ACSM5: variants seen among roughly 807,000 people sequenced by gnomAD.
ACSM5 encodes the protein acyl-CoA synthetase medium chain family member 5.
A neutral mutation model predicts 71.6 loss-of-function variants in ACSM5; 56 were observed. The ratio of observed to expected loss-of-function variants is 0.78; its 90% CI spans 0.63 to 0.98. ACSM5 has a LOEUF of 0.98. Among genes scored for constraint, ACSM5 ranks in the 50% least tolerant of loss-of-function variants. ACSM5 has a pLI of 0.00. For missense variants in ACSM5, 723 were observed against 726.0 expected, an observed-to-expected ratio of 1.00 and a Z score of 0.05; for synonymous variants, 285 against 281.5, an observed-to-expected ratio of 1.01 and a Z score of -0.12.
chr16:20,440,582 C>G lies in ACSM5; in HGVS notation c.*155C>G. The G allele has an allele frequency of 1.5e-6, 1 of 651,930 alleles. No homozygotes were observed. The highest frequency in any genetic ancestry group is 2.7e-6 in the Non-Finnish European group (1 of 365,942). The allele number at this position is 651,930 out of a possible 1,614,324, so 40.4% of individuals were successfully genotyped here. On this transcript the variant is annotated 3_prime_UTR_variant, in exon 14 of 14. Coordinates refer to ENST00000331849, the MANE Select transcript of ACSM5 (RefSeq NM_017888.3). ...GCATCCCCAGGATCACTGGGCAATG[C>G]TGGAAAGAGCAAAAGAATATCATTG...
In ACSM5 at chr16:20,435,234, T is replaced by C. The variant is rs372098663; in HGVS notation, c.1309-1818T>C. ...TTTTAGTAGAGATGGGGTTTCTCCA[T>C]GTTGGCCAGGCTGGTCTTGAACTTC... is the stretch of plus-strand genomic sequence containing the variant. On this transcript the variant is annotated intron_variant, in intron 10 of 13. Transcript: ENST00000331849. 1.6e-4 allele frequency among the ~76,000 whole-genome samples: 25 copies of C among 152,326 alleles called. No individual in the cohort carries two copies. The East Asian group carries it at 4.6e-3, about 28-fold the overall frequency.
chr16:20,424,648 C>T (rs1412931351), intron 6 of ACSM5, among the ~76,000 whole-genome samples: 1 of 152,164 alleles, frequency 6.6e-6, no homozygotes. Context: ...ATAGGCTGTG[C>T]CATCAGTCAA....
At chr16:20,427,112 C>A (rs1182402618) in intron 6 of ACSM5, among the ~76,000 whole-genome samples, 3 of 151,832 alleles carry the variant, frequency 2.0e-5, no homozygotes, top group African/African-American at 7.2e-5. Context: ...ACCAGCCTGG[C>A]CAGGATGGTG....
chr16:20,420,618 A>C (rs191358775), intron 4 of ACSM5, among the ~76,000 whole-genome samples: 6 of 152,328 alleles, frequency 3.9e-5, no homozygotes, highest in Admixed American at 3.9e-4. Context: ...AAACAAAAAA[A>C]AATCGGCTCA....
intron 2 of ACSM5, 149 bp downstream of exon 2, chr16:20,411,837 G>C (rs1403607550): frequency 1.5e-5 from 12 of 784,974 alleles, no homozygotes; most frequent in South Asian, 5.4e-5. Flanking sequence ...TGGCATTTGA[G>C]ACTTAGGAAA....
Position 20,429,760 on chromosome 16 carries a change from A to C in ACSM5, c.1084A>C (p.Thr362Pro), listed in dbSNP as rs780350157. The change falls in exon 8 of 14, where the codon ACT (threonine) becomes CCT (proline). Residue 362 changes from threonine to proline, a missense_variant. Physicochemically the swap from Thr to Pro is conservative, Grantham distance 38. Coordinates refer to ENST00000331849, the MANE Select transcript of ACSM5 (RefSeq NM_017888.3). ...CGTGAGGGAGAAGTGGAAACACCAG[A>C]CTGGTGTGGAGCTGTACGAAGGCTA... ...PDVREKWKHQ[T>P]GVELYEGYGQ... The C allele has an allele frequency of 3.1e-6, 5 of 1,610,734 alleles. No individual in the cohort carries two copies. The Admixed American group carries it at 8.4e-5, about 27-fold the overall frequency.
Position 20,421,289 on chromosome 16 carries a change from A to G in ACSM5, c.655A>G (p.Thr219Ala). 1 of 1,606,480 alleles carries G rather than the reference A, an allele frequency of 6.2e-7. No individual in the cohort carries two copies. The highest frequency in any genetic ancestry group is 1.7e-5 in the Admixed American group (1 of 59,240). Residue 219 changes from threonine to alanine, a missense_variant, in exon 5 of 14, where the codon ACA (threonine) becomes GCA (alanine). Coordinates refer to ENST00000331849, the MANE Select transcript of ACSM5 (RefSeq NM_017888.3). ...TTCTACAGAGCACAACTGCATGAGG[A>G]CAAAGAGTCGAGACCCGCTGGCCAT... ...EASTEHNCMR[T>A]KSRDPLAIYF...
At chr16:20,435,804 T>C (rs1205980660) in intron 10 of ACSM5, among the ~76,000 whole-genome samples, 1 of 152,206 alleles carries the variant, frequency 6.6e-6, no homozygotes, top group Non-Finnish European at 1.5e-5. Flanking sequence ...TATTGCTGAG[T>C]AGTAGCTTTT....
At chr16:20,434,509 T>A (rs980887472) in intron 10 of ACSM5, among the ~76,000 whole-genome samples, 4 of 152,006 alleles carry the variant, frequency 2.6e-5, no homozygotes, top group African/African-American at 7.3e-5. Context: ...GCCTGACCAA[T>A]ATGGTGAAAC....
intron 6 of ACSM5, among the ~76,000 whole-genome samples, chr16:20,427,511 G>C (rs1329389757): frequency 6.6e-6 from 1 of 152,230 alleles, no homozygotes; most frequent in Admixed American, 6.5e-5. Flanking sequence ...AGAAGCCATA[G>C]TCTTTGTATA....
intron 10 of ACSM5, among the ~76,000 whole-genome samples, chr16:20,436,157 C>CCCTT (rs1293760655): frequency 7.6e-6 from 1 of 132,316 alleles, no homozygotes; most frequent in African/African-American, 2.9e-5. Flanking sequence ...TTCCCTCCCT[C>CCCTT]CCTTCCTCCT....
intron 10 of ACSM5, among the ~76,000 whole-genome samples, chr16:20,431,563 T>G (rs1424675236): frequency 6.6e-6 from 1 of 151,960 alleles, no homozygotes; most frequent in Admixed American, 6.6e-5. Flanking sequence ...GATTTAAATG[T>G]GGGTGTGTCT....
chr16:20,423,915 G>C lies in ACSM5; in HGVS notation c.768-1G>C, dbSNP rs768275509. Reference sequence around the variant, plus strand: ...TACTGACGTTCTCTAATTTTTGGCAGACGGTGGGTGGCCTTGACCGAATCT... The same window carrying C: ...TACTGACGTTCTCTAATTTTTGGCACACGGTGGGTGGCCTTGACCGAATCT... On this transcript the variant is annotated splice_acceptor_variant, in intron 5 of 13. Transcript: ENST00000331849. LOFTEE classifies it high-confidence loss of function. 13 of 1,613,716 alleles carry C rather than the reference G, an allele frequency of 8.1e-6. No homozygotes were observed. Among genetic ancestry groups the C allele is most frequent in the Non-Finnish European group, 1.1e-5 (13 of 1,179,900 alleles).
intron 2 of ACSM5, among the ~76,000 whole-genome samples, chr16:20,413,858 G>A (rs1966851868): frequency 6.6e-6 from 1 of 152,048 alleles, no homozygotes; most frequent in Admixed American, 6.6e-5. Flanking sequence ...CAAAGACTGG[G>A]AGATTTATTG....
At chr16:20,434,952 T>C (rs1331578648) in intron 10 of ACSM5, among the ~76,000 whole-genome samples, 2 of 152,242 alleles carry the variant, frequency 1.3e-5, no homozygotes, top group East Asian at 3.8e-4. Flanking sequence ...CCTTGGAAAA[T>C]GTTTGCTAGC....
chr16:20,430,804 AAAAG>A (rs1418029664), intron 8 of ACSM5, among the ~76,000 whole-genome samples, 185 bp from the exon 9 acceptor site: 1 of 142,990 alleles, frequency 7.0e-6, no homozygotes, highest in African/African-American at 2.5e-5. Context: ...CAAGGAAGAA[AAAAG>A]AAAAGAAAGA....
chr16:20,416,285 G>GAAA (rs564038496), intron 2 of ACSM5, among the ~76,000 whole-genome samples: 13 of 114,908 alleles, frequency 1.1e-4, no homozygotes, highest in African/African-American at 2.9e-4. Flanking sequence ...AAACAGCCTT[G>GAAA]AAAAAAAAAA....
rs1484421876 is a variant in ACSM5, at chr16:20,423,983, G to A, written c.835G>A (p.Ala279Thr). Residue 279 changes from alanine to threonine, a missense_variant, in exon 6 of 14, where the codon GCC becomes ACC. By Grantham distance (58) the Ala-to-Thr change is moderately conservative. Transcript: ENST00000331849. Reference protein sequence around the residue: ...NTTDTGWVKAAWTLFSAWPNG... With the variant: ...NTTDTGWVKATWTLFSAWPNG... ...GACTGACACTGGCTGGGTGAAGGCAGCCTGGACTCTCTTCTCTGCCTGGCC... is the reference window on the plus strand; with the variant it reads ...GACTGACACTGGCTGGGTGAAGGCAACCTGGACTCTCTTCTCTGCCTGGCC... The A allele has an allele frequency of 6.2e-7, 1 of 1,614,070 alleles. No homozygotes were observed. The highest frequency in any genetic ancestry group is 8.5e-7 in the Non-Finnish European group (1 of 1,180,028).
chr16:20,434,782 C>T (rs139920293), intron 10 of ACSM5, among the ~76,000 whole-genome samples: 22 of 152,336 alleles, frequency 1.4e-4, no homozygotes, highest in Admixed American at 3.9e-4. Flanking sequence ...TACTCTGTCT[C>T]TGTACTGATA....
Sources: gnomAD v4.1 joint callset for allele counts (sites outside exome capture counted in the v4.1 genomes callset) on GRCh38, gnomAD v4.1.1 for gene constraint, MANE v1.5 for transcripts, NCBI Gene and HGNC (gene_info 2026-07-23, HGNC 2026-07-21) for gene names.